Variants in ABAT observed in about 807,000 individuals in gnomAD.
ABAT encodes 4-aminobutyrate aminotransferase, mitochondrial.
ABAT carries 45 observed loss-of-function variants against 64.6 expected under a neutral mutation model. That is an observed-to-expected ratio of 0.70 (90% CI 0.55 to 0.89). The LOEUF is 0.89. ABAT is among the 40% of genes least tolerant of loss of function. The pLI is 0.00. For missense variants in ABAT, 633 were observed against 658.4 expected (o/e 0.96, Z 0.42); for synonymous variants, 297 against 250.5 (o/e 1.19, Z -1.75).
At chr16:8,713,973 G>A in intron 1 of ABAT, 1 of 451,616 alleles carries the variant, frequency 2.2e-6, no homozygotes, top group Non-Finnish European at 4.5e-6. Context: ...TATCTGTGGT[G>A]TTGGGGTGTG....
intron 1 of ABAT, among the ~76,000 whole-genome samples, chr16:8,714,338 T>A (rs1343308379): frequency 5.3e-5 from 8 of 152,190 alleles, no homozygotes; most frequent in Admixed American, 5.2e-4. Context: ...CCCTTTCTCT[T>A]TGAAACTCAG....
At position 8,767,282 on chromosome 16, in the gene ABAT, C is replaced by T. The variant is rs114911693; in HGVS notation, c.604-911C>T. On this transcript the variant is annotated intron_variant, in intron 9 of 15. Transcript: ENST00000268251. ...CCATGCACCCCTCCTGAACCCAAGG[C>T]GCAGCTGCCATGGGAGAGTGCCCGG... 2.8e-3 allele frequency among the ~76,000 whole-genome samples: 419 copies of T among 152,346 alleles called. 1 individual carries two copies. The highest frequency in any genetic ancestry group is 9.2e-3 in the African/African-American group (382 of 41,584).
chr16:8,733,763 T>C lies in ABAT; in HGVS notation c.-41-1936T>C, dbSNP rs936418494. 8.7e-5 allele frequency among the ~76,000 whole-genome samples: 13 copies of C among 148,784 alleles called. 1 individual carries two copies. Among genetic ancestry groups the C allele is most frequent in the African/African-American group, 3.1e-4 (12 of 38,210 alleles). On this transcript the variant is annotated intron_variant, in intron 1 of 15. Coordinates refer to ENST00000268251, the MANE Select transcript of ABAT (RefSeq NM_020686.6). Reference sequence around the variant, plus strand: ...GCAGGGAGGTTGCAGTGAGCCGAGATGGCAGCAGTACAGTCCAGCTTCGGC... The same window carrying C: ...GCAGGGAGGTTGCAGTGAGCCGAGACGGCAGCAGTACAGTCCAGCTTCGGC...
rs115972865 is a variant in ABAT, at chr16:8,725,878, T to G, written c.-41-9821T>G. Among the ~76,000 whole-genome samples the G allele has an allele frequency of 2.6e-3, 392 of 152,240 alleles. 1 individual carries two copies. The highest frequency in any genetic ancestry group is 8.9e-3 in the African/African-American group (370 of 41,552). ...TAAGAGCTAATCCCTGCCTTCTTAC[T>G]CCTCATCAACTCCCACCCCAGTGGG... is the stretch of plus-strand genomic sequence containing the variant. On this transcript the variant is annotated intron_variant, in intron 1 of 15. Coordinates refer to ENST00000268251, the MANE Select transcript of ABAT (RefSeq NM_020686.6).
At chr16:8,771,220 G>A (rs1052221064) in intron 11 of ABAT, among the ~76,000 whole-genome samples, 13 of 151,770 alleles carry the variant, frequency 8.6e-5, no homozygotes, top group Non-Finnish European at 1.9e-4. Flanking sequence ...ACTTGAACCC[G>A]GGAGGTGGTG....
At chr16:8,742,315 G>T (rs1020596846) in intron 2 of ABAT, among the ~76,000 whole-genome samples, 2 of 152,166 alleles carry the variant, frequency 1.3e-5, no homozygotes, top group South Asian at 2.1e-4. Context: ...CCACACTCCG[G>T]TTCCCAAGAA....
In ABAT at chr16:8,737,991, G is replaced by GAAAGAAAGAAAGAAAGAAAGAAAGAAA. The variant is rs55862439; in HGVS notation, c.70+2182_70+2183insAAAGAAAGAAAGAAAGAAAGAAAGAAA. Among the ~76,000 whole-genome samples the GAAAGAAAGAAAGAAAGAAAGAAAGAAA allele has an allele frequency of 9.5e-3, 141 of 14,904 alleles. 25 individuals carry two copies. Among genetic ancestry groups the GAAAGAAAGAAAGAAAGAAAGAAAGAAA allele is most frequent in the Middle Eastern group, 0.088 (3 of 34 alleles). The allele number at this position is 14,904 out of a possible 152,430, so 9.8% of individuals were successfully genotyped here. A position where few individuals can be genotyped will look rare whatever the true frequency, so the allele number is the denominator to read the frequency against. On this transcript the variant is annotated intron_variant, in intron 2 of 15. Coordinates refer to ENST00000268251, the MANE Select transcript of ABAT (RefSeq NM_020686.6). ...AAGGAAGGAAGGAAGGAAGGAAGGA[G>GAAAGAAAGAAAGAAAGAAAGAAAGAAA]GAAAGAAAGAAAGAAAGAAAGAAAG...
chr16:8,757,620 A>C, intron 5 of ABAT, 137 bp from the exon 6 acceptor site: 2 of 982,974 alleles, frequency 2.0e-6, no homozygotes, highest in South Asian at 1.4e-5. Flanking sequence ...TCTTTTTGTC[A>C]ACAAAGGATA....
At chr16:8,686,234 A>G (rs1249166084) in intron 1 of ABAT, among the ~76,000 whole-genome samples, 1 of 152,208 alleles carries the variant, frequency 6.6e-6, no homozygotes, top group African/African-American at 2.4e-5. Context: ...AAATGCACAC[A>G]CCAAGGAGCA....
intron 5 of ABAT, 120 bp from the exon 6 acceptor site, chr16:8,757,637 C>T: frequency 1.8e-6 from 2 of 1,117,318 alleles, no homozygotes; most frequent in East Asian, 2.4e-5. Context: ...GATAAAAGAC[C>T]CTTTGGTTTT....
intron 1 of ABAT, among the ~76,000 whole-genome samples, chr16:8,678,656 A>C (rs1455474452): frequency 1.3e-5 from 2 of 152,170 alleles, no homozygotes; most frequent in African/African-American, 2.4e-5. Flanking sequence ...GAAAAATCTC[A>C]CACAGAAATG....
intron 1 of ABAT, among the ~76,000 whole-genome samples, chr16:8,699,015 C>G (rs73497654): frequency 0.049 from 7,411 of 152,270 alleles, 589 homozygotes; most frequent in African/African-American, 0.17. Flanking sequence ...GTATCTGTTT[C>G]AGTCCTTGCT....
chr16:8,757,906 C>A, intron 6 of ABAT, 100 bp downstream of exon 6: 1 of 1,321,716 alleles, frequency 7.6e-7, no homozygotes, highest in Non-Finnish European at 1.1e-6. Context: ...TTCATTCATT[C>A]ATTCCATAAA....
intron 10 of ABAT, among the ~76,000 whole-genome samples, 158 bp from the exon 11 acceptor site, chr16:8,768,667 T>C (rs1415149725): frequency 6.6e-6 from 1 of 151,924 alleles, no homozygotes; most frequent in African/African-American, 2.4e-5. Flanking sequence ...CCCAGAAAAA[T>C]TAAAAATTAA....
In ABAT at chr16:8,764,383, C is replaced by T. The variant is rs2059882708; in HGVS notation, c.447+234C>T. ...TATGTGTCGCATGATAGGAGCCTTGCATATGTCATTCAATCCTGCCCCCAC... is the reference window on the plus strand; with the variant it reads ...TATGTGTCGCATGATAGGAGCCTTGTATATGTCATTCAATCCTGCCCCCAC... On this transcript the variant is annotated intron_variant, in intron 7 of 15. Transcript: ENST00000268251. This position sits in a 1 kb window ranked among gnomAD's most constrained non-coding sequence, Gnocchi z 4.2. Among the ~76,000 whole-genome samples, 4 of 152,280 alleles carry T rather than the reference C, an allele frequency of 2.6e-5. No homozygotes were observed. The highest frequency in any genetic ancestry group is 7.2e-5 in the African/African-American group (3 of 41,568).
chr16:8,717,416 G>A (rs928258691), intron 1 of ABAT, among the ~76,000 whole-genome samples: 1 of 152,148 alleles, frequency 6.6e-6, no homozygotes, highest in Non-Finnish European at 1.5e-5. Context: ...ATGGCTACCA[G>A]AAAATGTAAA....
At chr16:8,702,817 C>G (rs978724960) in intron 1 of ABAT, among the ~76,000 whole-genome samples, 2 of 152,050 alleles carry the variant, frequency 1.3e-5, no homozygotes, top group African/African-American at 4.8e-5. Flanking sequence ...TGCTCTGGCT[C>G]CTATGTTGAT....
At position 8,746,106 on chromosome 16, in the gene ABAT, G is replaced by C. The variant is rs766841451; in HGVS notation, c.168+8G>C. On this transcript the variant is annotated splice_region_variant and intron_variant, in intron 3 of 15. Coordinates refer to ENST00000268251, the MANE Select transcript of ABAT (RefSeq NM_020686.6). ...CCAGGGCCTAGATCTCAGGTGAGTT[G>C]AGCACACCTGAGTGGGGTATTTTGG... is the stretch of plus-strand genomic sequence containing the variant. 2 of 1,604,346 alleles carry C rather than the reference G, an allele frequency of 1.2e-6. No homozygotes were observed. Among genetic ancestry groups the C allele is most frequent in the Non-Finnish European group, 1.7e-6 (2 of 1,172,098 alleles).
intron 1 of ABAT, among the ~76,000 whole-genome samples, chr16:8,730,213 C>G (rs2058679246): frequency 6.6e-6 from 1 of 152,290 alleles, no homozygotes; most frequent in East Asian, 1.9e-4. Flanking sequence ...AGGACGGCCT[C>G]TAATTGATCT....
Sources: gnomAD v4.1 joint callset for allele counts (sites outside exome capture counted in the v4.1 genomes callset) on GRCh38, gnomAD v4.1.1 for gene constraint, Gnocchi (gnomAD v3.1) non-coding constraint, MANE v1.5 for transcripts, NCBI Gene and HGNC (gene_info 2026-07-23, HGNC 2026-07-21) for gene names.